Variants in STXBP4 observed in about 807,000 individuals in gnomAD.
STXBP4 encodes syntaxin-binding protein 4.
STXBP4 carries 55 observed loss-of-function variants against 76.1 expected under a neutral mutation model. That is an observed-to-expected ratio of 0.72 (90% CI 0.58 to 0.91). The LOEUF is 0.91. Ranked by LOEUF, STXBP4 falls within the 40% of genes least tolerant of loss-of-function variation. The probability of loss-of-function intolerance (pLI) is 0.00; values close to 1 mark genes in which losing one functional copy is unlikely to be tolerated. For missense variants in STXBP4, 618 were observed against 636.9 expected (o/e 0.97, Z 0.32); for synonymous variants, 201 against 220.2 (o/e 0.91, Z 0.77).
chr17:55,087,913 A>T (rs192688209), intron 16 of STXBP4, among the ~76,000 whole-genome samples: 1 of 152,212 alleles, frequency 6.6e-6, no homozygotes, highest in African/African-American at 2.4e-5. Flanking sequence ...TAGCCTCTTC[A>T]GTTTCTTCCA....
At chr17:55,122,843 C>G (rs901764100) in intron 16 of STXBP4, among the ~76,000 whole-genome samples, 1 of 151,930 alleles carries the variant, frequency 6.6e-6, no homozygotes, top group Non-Finnish European at 1.5e-5. Context: ...TTGAAGCACT[C>G]TTTTATAAAT....
chr17:55,155,722 A>G (rs572293392), intron 17 of STXBP4, among the ~76,000 whole-genome samples: 12 of 152,256 alleles, frequency 7.9e-5, no homozygotes, highest in African/African-American at 2.6e-4. Context: ...TTTTGTCATT[A>G]AATCCTTTTT....
At chr17:55,029,887 T>C (rs2078476662) in intron 8 of STXBP4, among the ~76,000 whole-genome samples, 1 of 152,136 alleles carries the variant, frequency 6.6e-6, no homozygotes, top group Non-Finnish European at 1.5e-5. Context: ...TGACAAATAG[T>C]AGGCACCAAA....
rs2068544910 is a variant in STXBP4 at position 55,163,203 on chromosome 17, C to T, written c.*3292C>T. The T allele has an allele frequency of 7.0e-6, 1 of 142,450 alleles. No homozygotes were observed. The highest frequency in any genetic ancestry group is 7.2e-5 in the Admixed American group (1 of 13,888). 8.8% of individuals were successfully genotyped at this position (142,450 alleles called of 1,614,324 possible). The stretch of plus-strand genomic sequence containing the variant: ...AGGACTTTTTTTAGTCCAAATGTTC[C>T]TATAGATTTTCTGGGTTTTTTTTTT... On this transcript the variant is annotated 3_prime_UTR_variant, in exon 18 of 18. Coordinates refer to ENST00000376352, the MANE Select transcript of STXBP4 (RefSeq NM_178509.6).
At chr17:55,093,520 A>G (rs565351411) in intron 16 of STXBP4, among the ~76,000 whole-genome samples, 6 of 152,278 alleles carry the variant, frequency 3.9e-5, no homozygotes, top group African/African-American at 1.4e-4. Context: ...AAAGCCAGAT[A>G]ATAACCACAA....
chr17:55,160,065 CT>C lies in STXBP4; in HGVS notation c.*158del. On this transcript the variant is annotated 3_prime_UTR_variant, in exon 18 of 18. Coordinates refer to ENST00000376352, the MANE Select transcript of STXBP4 (RefSeq NM_178509.6). ...CTGGACTTTGGGTATTTTTGTAAAA[CT>C]TTTGATATTTCTGTATACATTTAAA... The C allele has an allele frequency of 1.9e-6, 1 of 520,038 alleles. No homozygotes were observed. Among genetic ancestry groups the C allele is most frequent in the African/African-American group, 1.9e-5 (1 of 51,544 alleles). The allele number at this position is 520,038 out of a possible 1,614,324, so 32.2% of individuals were successfully genotyped here.
chr17:55,095,852 T>G (rs1407782860), intron 16 of STXBP4, among the ~76,000 whole-genome samples: 1 of 152,194 alleles, frequency 6.6e-6, no homozygotes, highest in African/African-American at 2.4e-5. Flanking sequence ...ATTCAGGTCT[T>G]CTAATTCTCT....
intron 12 of STXBP4, among the ~76,000 whole-genome samples, chr17:55,060,493 A>G (rs1177618237): frequency 1.3e-5 from 2 of 152,140 alleles, no homozygotes; most frequent in African/African-American, 4.8e-5. Context: ...CCAAGTTACT[A>G]CAGTACTAAT....
At chr17:55,024,974 A>T (rs2078385467) in intron 8 of STXBP4, among the ~76,000 whole-genome samples, 1 of 147,524 alleles carries the variant, frequency 6.8e-6, no homozygotes, top group Non-Finnish European at 1.5e-5. Context: ...CATCTCTACT[A>T]AAAAAAAATA....
the STXBP4 span, among the ~76,000 whole-genome samples, chr17:55,211,806 T>G: frequency 9.6e-5 from 11 of 114,828 alleles, no homozygotes; most frequent in Non-Finnish European, 1.7e-4. Flanking sequence ...GTTGTTTTTT[T>G]TTTTTTTTTT....
At chr17:55,060,315 T>C (rs561436391) in intron 12 of STXBP4, among the ~76,000 whole-genome samples, 3 of 152,232 alleles carry the variant, frequency 2.0e-5, no homozygotes, top group African/African-American at 7.2e-5. Context: ...AAAATACCTT[T>C]CCATTTTTCC....
chr17:55,022,610 GA>G (rs1410572320), intron 8 of STXBP4, among the ~76,000 whole-genome samples: 1 of 152,124 alleles, frequency 6.6e-6, no homozygotes, highest in Non-Finnish European at 1.5e-5. Flanking sequence ...CAGACAATAA[GA>G]CATGGTAGAT....
the STXBP4 span, among the ~76,000 whole-genome samples, chr17:55,189,106 C>T: frequency 1.3e-5 from 2 of 151,984 alleles, no homozygotes; most frequent in African/African-American, 4.8e-5. Context: ...TGATTTCTCC[C>T]CTTTGCGTGC....
chr17:55,102,361 G>C (rs1489869107), intron 16 of STXBP4, among the ~76,000 whole-genome samples: 1 of 152,054 alleles, frequency 6.6e-6, no homozygotes, highest in East Asian at 1.9e-4. Context: ...CCACTTATAA[G>C]TGAGAACATG....
chr17:55,037,684 C>T (rs2078626834), intron 10 of STXBP4, among the ~76,000 whole-genome samples: 1 of 151,954 alleles, frequency 6.6e-6, no homozygotes, highest in African/African-American at 2.4e-5. Flanking sequence ...CACTTGAGTA[C>T]AGAATAAGAA....
intron 10 of STXBP4, among the ~76,000 whole-genome samples, chr17:55,039,017 C>G (rs954248917): frequency 4.6e-5 from 7 of 152,098 alleles, no homozygotes; most frequent in African/African-American, 1.7e-4. Context: ...TAGCCACTTC[C>G]CTAACGAAAA....
the STXBP4 span, among the ~76,000 whole-genome samples, chr17:55,194,613 C>T: frequency 6.6e-6 from 1 of 152,178 alleles, no homozygotes; most frequent in East Asian, 1.9e-4. Flanking sequence ...GATCTTTCAC[C>T]TTCTGCCTCA....
At chr17:55,013,822 AG>A (rs1271651376) in intron 8 of STXBP4, among the ~76,000 whole-genome samples, 1 of 152,172 alleles carries the variant, frequency 6.6e-6, no homozygotes, top group East Asian at 1.9e-4. Context: ...AAAACAGTGC[AG>A]GTGAGTTGAG....
At chr17:55,192,648 A>G in the STXBP4 span, among the ~76,000 whole-genome samples, 685 of 152,312 alleles carry the variant, frequency 4.5e-3, 7 homozygotes, top group African/African-American at 0.016. Context: ...CATAATCACT[A>G]TGTGCCAGGA....
Sources: allele counts gnomAD v4.1 joint callset (sites outside exome capture counted in the v4.1 genomes callset), GRCh38; gene constraint gnomAD v4.1.1; transcripts MANE v1.5; gene names NCBI Gene and HGNC (gene_info 2026-07-23, HGNC 2026-07-21).